Variants in TENM4 observed in about 807,000 individuals in gnomAD.
The protein encoded by TENM4 is teneurin transmembrane protein 4.
TENM4 carries 82 observed loss-of-function variants against 243.3 expected under a neutral mutation model. That is an observed-to-expected ratio of 0.34 (90% CI 0.28 to 0.40). The LOEUF is 0.40. Ranked by LOEUF, TENM4 falls within the 10% of genes least tolerant of loss-of-function variation. The pLI, the probability that TENM4 is intolerant of heterozygous loss-of-function variation, is 1.00. For missense variants in TENM4, 3,138 were observed against 3,673.3 expected, an observed-to-expected ratio of 0.85 and a Z score of 3.77; for synonymous variants, 1,412 against 1,456.3, an observed-to-expected ratio of 0.97 and a Z score of 0.69.
chr11:79,234,684 T>C (rs1864431049), intron 2 of TENM4, among the ~76,000 whole-genome samples: 1 of 152,208 alleles, frequency 6.6e-6, no homozygotes, highest in Non-Finnish European at 1.5e-5. Flanking sequence ...AAACACTTAA[T>C]GGGTCTCATC....
chr11:78,771,249 C>G, intron 17 of TENM4, 111 bp from the exon 18 acceptor site: 1 of 1,328,832 alleles, frequency 7.5e-7, no homozygotes, highest in Non-Finnish European at 1.0e-6. Flanking sequence ...CATCAGCACA[C>G]GAATGCCCAC....
rs1165937840 is a variant in TENM4, at chr11:78,670,409, T to C, written c.5936A>G (p.Tyr1979Cys). ...TGAGGCATTGCCCTCAGGGGGCTGA[T>C]AGATGTTTCTGTAGTAGCCCACTGA... ...IRSVGYYRNI[Y>C]QPPEGNASVI... Residue 1979 changes from tyrosine to cysteine, a missense_variant, in exon 32 of 34, where the codon TAT (tyrosine) becomes TGT (cysteine). Transcript: ENST00000278550. The C allele has an allele frequency of 5.0e-6, 8 of 1,613,994 alleles. No individual in the cohort carries two copies. The highest frequency in any genetic ancestry group is 1.3e-5 in the African/African-American group (1 of 75,048).
intron 1 of TENM4, among the ~76,000 whole-genome samples, chr11:79,299,255 T>C (rs945433475): frequency 9.2e-5 from 14 of 152,204 alleles, no homozygotes; most frequent in Non-Finnish European, 2.1e-4. Flanking sequence ...AAGTCTTTCA[T>C]CTTTCAAAGC....
chr11:79,049,388 A>T (rs184404870), intron 6 of TENM4, among the ~76,000 whole-genome samples: 2 of 152,368 alleles, frequency 1.3e-5, no homozygotes, highest in Admixed American at 6.5e-5. Flanking sequence ...GAGTTATTGC[A>T]TGAAGGAGGA....
At chr11:79,135,710 C>G (rs1392997858) in intron 4 of TENM4, among the ~76,000 whole-genome samples, 1 of 138,400 alleles carries the variant, frequency 7.2e-6, no homozygotes, top group Non-Finnish European at 1.6e-5. Flanking sequence ...ATACATCATA[C>G]ATATATGATC....
intron 17 of TENM4, among the ~76,000 whole-genome samples, chr11:78,771,948 G>A (rs536732853): frequency 3.9e-5 from 6 of 152,144 alleles, no homozygotes; most frequent in Non-Finnish European, 8.8e-5. Flanking sequence ...GTACAGAAAT[G>A]AATAAGACCC....
At chr11:79,292,043 A>G (rs1345816877) in intron 2 of TENM4, among the ~76,000 whole-genome samples, 1 of 152,164 alleles carries the variant, frequency 6.6e-6, no homozygotes, top group Non-Finnish European at 1.5e-5. Flanking sequence ...TGTGTCTCCC[A>G]GCTGCTGATC....
chr11:79,355,717 T>G (rs11602810), intron 1 of TENM4, among the ~76,000 whole-genome samples: 40,959 of 151,920 alleles, frequency 0.27, 5,819 homozygotes, highest in Middle Eastern at 0.38. Flanking sequence ...GTGAGCATGG[T>G]GAGACACATG....
intron 2 of TENM4, among the ~76,000 whole-genome samples, chr11:79,243,971 G>C (rs574734543): frequency 6.6e-6 from 1 of 152,300 alleles, no homozygotes; most frequent in East Asian, 1.9e-4. Context: ...CTTGGGTGGA[G>C]CCTGAGAGTG....
chr11:78,738,618 G>A (rs1855852928), intron 19 of TENM4, 48 bp from the exon 20 acceptor site: 1 of 1,584,070 alleles, frequency 6.3e-7, no homozygotes, highest in Admixed American at 1.8e-5. Context: ...TTCATGGTCA[G>A]AGCCCTGGCT....
intron 27 of TENM4, among the ~76,000 whole-genome samples, chr11:78,704,513 T>C (rs1449650151): frequency 6.6e-6 from 1 of 152,080 alleles, no homozygotes; most frequent in Non-Finnish European, 1.5e-5. Flanking sequence ...ATACTGTGTG[T>C]AGTTGTTAAA....
At position 79,289,051 on chromosome 11, in the gene TENM4, C is replaced by A. The variant is rs964603511; in HGVS notation, c.-265+8437G>T. 2.6e-5 allele frequency among the ~76,000 whole-genome samples: 4 copies of A among 152,158 alleles called. No individual in the cohort carries two copies. The South Asian group carries it at 8.3e-4, about 32-fold the overall frequency. On this transcript the variant is annotated intron_variant, in intron 2 of 33. Coordinates refer to ENST00000278550, the MANE Select transcript of TENM4 (RefSeq NM_001098816.3). ...CAGGGAATTGTCTAAGGTTTGCCAA[C>A]TGTTTGATCTTGAAAGAGCAATCAT...
Position 78,729,618 on chromosome 11 carries a change from G to A in TENM4, c.3164C>T (p.Ser1055Phe). The A allele has an allele frequency of 6.2e-7, 1 of 1,611,860 alleles. No homozygotes were observed. Among genetic ancestry groups the A allele is most frequent in the Non-Finnish European group, 8.5e-7 (1 of 1,178,344 alleles). ...GTAGCTCAGCCTCATCTTGCAGCCA[G>A]AGATAGAGATTTCCTCCTGCAAAGC... is the stretch of plus-strand genomic sequence containing the variant. The part of the protein sequence containing the change: ...IQALQEEISI[S>F]GCKMRLSYLS... The change falls in exon 22 of 34, where the codon TCT (serine) becomes TTT (phenylalanine). Residue 1055 changes from serine (S) to phenylalanine (F), a missense_variant. By Grantham distance (155) the Ser-to-Phe change is radical. Coordinates refer to ENST00000278550, the MANE Select transcript of TENM4 (RefSeq NM_001098816.3).
intron 20 of TENM4, among the ~76,000 whole-genome samples, chr11:78,734,912 C>A (rs548821510): frequency 2.6e-5 from 4 of 152,216 alleles, no homozygotes; most frequent in Non-Finnish European, 4.4e-5. Context: ...AAACACCCTA[C>A]GTCCCTTCTT....
chr11:79,206,737 T>C (rs893574749), intron 3 of TENM4, among the ~76,000 whole-genome samples: 2 of 152,158 alleles, frequency 1.3e-5, no homozygotes, highest in Non-Finnish European at 2.9e-5. Flanking sequence ...ACCTTCCACC[T>C]CCGGCCATGA....
rs79616884 is a variant in TENM4 at position 78,819,378 on chromosome 11, T to C, written c.1682-4983A>G. On this transcript the variant is annotated intron_variant, in intron 12 of 33. Transcript: ENST00000278550. Reference sequence around the variant, plus strand: ...CTCATTTGCATCCTTCTGGTTTTCCTTTCTAAAATCCTGAAGCCTCATTTT... The same window carrying C: ...CTCATTTGCATCCTTCTGGTTTTCCCTTCTAAAATCCTGAAGCCTCATTTT... Among the ~76,000 whole-genome samples, 1,215 of 152,348 alleles carry C rather than the reference T, an allele frequency of 8.0e-3. 13 individuals are homozygous for C. Among genetic ancestry groups the C allele is most frequent in the African/African-American group, 0.028 (1,149 of 41,586 alleles).
chr11:79,406,630 C>T (rs897040511), intron 1 of TENM4, among the ~76,000 whole-genome samples: 1 of 152,176 alleles, frequency 6.6e-6, no homozygotes, highest in Non-Finnish European at 1.5e-5. Flanking sequence ...GTGGAAAACA[C>T]CTATCTAGTC....
intron 15 of TENM4, among the ~76,000 whole-genome samples, chr11:78,799,772 T>C (rs1290954779): frequency 6.6e-6 from 1 of 152,206 alleles, no homozygotes; most frequent in Non-Finnish European, 1.5e-5. Flanking sequence ...ATAAGAATCA[T>C]AAACCCGCAG....
chr11:78,729,798 A>AG (rs1007471698), intron 21 of TENM4, among the ~76,000 whole-genome samples, 155 bp from the exon 22 acceptor site: 3 of 152,038 alleles, frequency 2.0e-5, no homozygotes, highest in African/African-American at 7.2e-5. Flanking sequence ...TGGAAAGAAG[A>AG]GGGGAAGCAG....
Sources: gnomAD v4.1 joint callset for allele counts (sites outside exome capture counted in the v4.1 genomes callset) on GRCh38, gnomAD v4.1.1 for gene constraint, MANE v1.5 for transcripts, NCBI Gene and HGNC (gene_info 2026-07-23, HGNC 2026-07-21) for gene names.